Variants in POU2AF1 observed in about 807,000 individuals in gnomAD.
POU2AF1 encodes POU domain class 2-associating factor 1.
POU2AF1 carries 12 observed loss-of-function variants against 26.3 expected under a neutral mutation model. That is an observed-to-expected ratio of 0.46 (90% CI 0.29 to 0.74). The LOEUF (loss-of-function observed/expected upper bound fraction) is 0.74, where lower values mean the gene tolerates loss of function less well. POU2AF1 is among the 30% of genes least tolerant of loss of function. The pLI is 0.09. For missense variants in POU2AF1, 297 were observed against 334.5 expected (o/e 0.89, Z 0.87); for synonymous variants, 175 against 148.0 (o/e 1.18, Z -1.32).
chr11:111,371,807 G>T (rs1565366682), intron 1 of POU2AF1, among the ~76,000 whole-genome samples: 2 of 152,076 alleles, frequency 1.3e-5, no homozygotes, highest in South Asian at 4.2e-4. Flanking sequence ...CACCTCTGGT[G>T]CATGCCTATA....
chr11:111,361,081 C>T (rs1860998180), intron 1 of POU2AF1, among the ~76,000 whole-genome samples: 1 of 152,100 alleles, frequency 6.6e-6, no homozygotes, highest in Non-Finnish European at 1.5e-5. Context: ...TTTTAACTTC[C>T]CCTGTCTGAA....
Position 111,357,460 on chromosome 11 carries a change from G to T in POU2AF1, c.441C>A (p.Leu147=). Reference sequence around the variant, plus strand: ...TGTGACATACCGTGACATTGGTGATGAGTGGCGGAGAGGCATAGGTCAACA... The same window carrying T: ...TGTGACATACCGTGACATTGGTGATTAGTGGCGGAGAGGCATAGGTCAACA... The part of the protein sequence containing the change: ...SSVLTYASPP[L]ITNVTTRSSA... The change falls in exon 4 of 5, where the codon CTC becomes CTA. Residue 147 remains leucine, a synonymous_variant. Coordinates refer to ENST00000393067, the MANE Select transcript of POU2AF1 (RefSeq NM_006235.3). 3 of 1,614,194 alleles carry T rather than the reference G, an allele frequency of 1.9e-6. No homozygotes were observed. Among genetic ancestry groups the T allele is most frequent in the Non-Finnish European group, 2.5e-6 (3 of 1,180,038 alleles).
chr11:111,372,029 TACACAC>T (rs374971894), intron 1 of POU2AF1, among the ~76,000 whole-genome samples: 3,496 of 121,024 alleles, frequency 0.029, 127 homozygotes, highest in African/African-American at 0.074. Flanking sequence ...CACACACAAA[TACACAC>T]ACACACACAC....
chr11:111,354,367 T>C lies in POU2AF1; in HGVS notation c.665A>G (p.Asp222Gly). 3 of 1,614,126 alleles carry C rather than the reference T, an allele frequency of 1.9e-6. No homozygotes were observed. The highest frequency in any genetic ancestry group is 1.1e-5 in the South Asian group (1 of 91,064). The change falls in exon 5 of 5, where the codon GAC (aspartate) becomes GGC (glycine). Residue 222 changes from aspartate to glycine, a missense_variant. By Grantham distance (94) the Asp-to-Gly change is moderately conservative (BLOSUM62 -1). Coordinates refer to ENST00000393067, the MANE Select transcript of POU2AF1 (RefSeq NM_006235.3). The part of the protein sequence containing the change: ...IPEPVLQDME[D>G]PRRAASSLTI... ...CAACGAGCTGGCGGCTCTTCTGGGG[T>C]CTTCCATGTCCTGAAGGACTGGCTC... is the stretch of plus-strand genomic sequence containing the variant.
rs899012332 is a variant in POU2AF1 at position 111,377,801 on chromosome 11, C to G, written c.16+1361G>C. 4 of 184,794 alleles carry G rather than the reference C, an allele frequency of 2.2e-5. No individual in the cohort carries two copies. The East Asian group carries it at 2.6e-4, about 12-fold the overall frequency. The allele number at this position is 184,794 out of a possible 1,614,324, so 11.4% of individuals were successfully genotyped here. ...GCTCTCATCCACACAGCACTCACAA[C>G]AGGGTCAGCTGCCATTGTCCCAGAA... On this transcript the variant is annotated intron_variant, in intron 1 of 4. Coordinates refer to ENST00000393067, the MANE Select transcript of POU2AF1 (RefSeq NM_006235.3).
chr11:111,368,737 T>C (rs1276754070), intron 1 of POU2AF1, among the ~76,000 whole-genome samples: 1 of 152,250 alleles, frequency 6.6e-6, no homozygotes, highest in Non-Finnish European at 1.5e-5. Flanking sequence ...GCTTATCACC[T>C]GTGTGACTCT....
intron 1 of POU2AF1, among the ~76,000 whole-genome samples, chr11:111,374,534 T>A (rs1218932036): frequency 6.6e-6 from 1 of 152,114 alleles, no homozygotes; most frequent in Non-Finnish European, 1.5e-5. Context: ...CCATCTCCAA[T>A]GAAAATGCAA....
chr11:111,357,495 G>A lies in POU2AF1; in HGVS notation c.406C>T (p.Pro136Ser), dbSNP rs1860870324. 2 of 1,613,926 alleles carry A rather than the reference G, an allele frequency of 1.2e-6. No individual in the cohort carries two copies. Among genetic ancestry groups the A allele is most frequent in the South Asian group, 1.1e-5 (1 of 91,064 alleles). ...PVCPSYTVVGPSSVLTYASPP... is the reference protein window; with the variant it reads ...PVCPSYTVVGSSSVLTYASPP... ...GAGGCATAGGTCAACACTGAGGAGG[G>A]CCCCACCACCGTGTAGCTGGGGCAC... The change falls in exon 4 of 5, where the codon CCC (proline) becomes TCC (serine). Residue 136 changes from proline to serine, a missense_variant. Pro to Ser is a moderately conservative substitution (Grantham distance 74, BLOSUM62 -1). Transcript: ENST00000393067.
intron 4 of POU2AF1, among the ~76,000 whole-genome samples, chr11:111,355,092 C>A (rs1474350060): frequency 1.3e-5 from 2 of 152,198 alleles, no homozygotes; most frequent in African/African-American, 4.8e-5. Flanking sequence ...CCCCTTGGGC[C>A]AACACAGCTC....
At chr11:111,354,769 A>G (rs942861353) in intron 4 of POU2AF1, among the ~76,000 whole-genome samples, 194 bp from the exon 5 acceptor site, 2 of 152,092 alleles carry the variant, frequency 1.3e-5, no homozygotes, top group African/African-American at 2.4e-5. Context: ...CGCAGCCCCA[A>G]TCCTGACCCT....
rs753052649 is a variant in POU2AF1 at position 111,357,880 on chromosome 11, G to A, written c.148-43C>T. Reference sequence around the variant, plus strand: ...AGACCAGGGTCAATGTTTAGCCCTCGTCAACCGGCCCTGTGCAGAGAACTT... The same window carrying A: ...AGACCAGGGTCAATGTTTAGCCCTCATCAACCGGCCCTGTGCAGAGAACTT... On this transcript the variant is annotated intron_variant, in intron 2 of 4. Transcript: ENST00000393067. 6 of 1,555,626 alleles carry A rather than the reference G, an allele frequency of 3.9e-6. No individual in the cohort carries two copies. The African/African-American group carries it at 4.1e-5, about 11-fold the overall frequency.
At chr11:111,360,279 G>A (rs753342174) in intron 1 of POU2AF1, among the ~76,000 whole-genome samples, 5 of 152,178 alleles carry the variant, frequency 3.3e-5, no homozygotes, top group Non-Finnish European at 7.4e-5. Flanking sequence ...GGGCCCCAGG[G>A]ACCTGGGCTC....
At chr11:111,357,919 CAG>C (rs45480396) in intron 2 of POU2AF1, 82 bp from the exon 3 acceptor site, 96,043 of 1,384,420 alleles carry the variant, frequency 0.069, 4,786 homozygotes, top group African/African-American at 0.25. Context: ...CAGAGGGCCT[CAG>C]GGCAGGAGAA....
intron 1 of POU2AF1, among the ~76,000 whole-genome samples, chr11:111,368,735 C>T (rs1056953275): frequency 4.4e-4 from 67 of 152,212 alleles, no homozygotes; most frequent in Non-Finnish European, 1.0e-4. Flanking sequence ...TTGCTTATCA[C>T]CTGTGTGACT....
chr11:111,359,959 C>T (rs755581871), intron 1 of POU2AF1: 1 of 519,012 alleles, frequency 1.9e-6, no homozygotes, highest in Non-Finnish European at 3.8e-6. Context: ...GGGCATGGGA[C>T]AATTACCCAA....
chr11:111,378,040 G>A (rs1861342964), intron 1 of POU2AF1, among the ~76,000 whole-genome samples: 1 of 152,136 alleles, frequency 6.6e-6, no homozygotes, highest in African/African-American at 2.4e-5. Flanking sequence ...TGTGTTACTG[G>A]TTAATCAGCT....
chr11:111,357,563 G>A lies in POU2AF1; in HGVS notation c.338C>T (p.Ala113Val). 6.2e-7 allele frequency: 1 copy of A among 1,614,124 alleles called. No individual in the cohort carries two copies. The highest frequency in any genetic ancestry group is 8.5e-7 in the Non-Finnish European group (1 of 1,179,988). The change falls in exon 4 of 5, where the codon GCT (alanine) becomes GTT (valine). Residue 113 changes from alanine (A) to valine (V), a missense_variant. Ala to Val is a moderately conservative substitution (Grantham distance 64, BLOSUM62 0). Transcript: ENST00000393067. ...GTCAGCTGAGTAGGGGCAGCTGACA[G>A]CTTCATGGGGCACATACTCGGTGTA... is the stretch of plus-strand genomic sequence containing the variant. ...TPYTEYVPHE[A>V]VSCPYSADMY...
chr11:111,358,807 G>C lies in POU2AF1; in HGVS notation c.128C>G (p.Ala43Gly). The C allele has an allele frequency of 6.2e-7, 1 of 1,601,906 alleles. No homozygotes were observed. Among genetic ancestry groups the C allele is most frequent in the African/African-American group, 1.3e-5 (1 of 74,856 alleles). Residue 43 changes from alanine (A) to glycine (G), a missense_variant, in exon 2 of 5, where the codon GCA (alanine) becomes GGA (glycine). Physicochemically the swap from Ala to Gly is moderately conservative, Grantham distance 60. Coordinates refer to ENST00000393067, the MANE Select transcript of POU2AF1 (RefSeq NM_006235.3). Reference sequence around the variant, plus strand: ...TCTCACCGCCGTAGGTGCAGGTGCTGCCCCACTGCTGGCGTGGCCTCGCTT... The same window carrying C: ...TCTCACCGCCGTAGGTGCAGGTGCTCCCCCACTGCTGGCGTGGCCTCGCTT... ...RRKRGHASSG[A>G]APAPTAVVLP...
Position 111,353,506 on chromosome 11 carries a change from A to G in POU2AF1, c.*755T>C. 4.3e-6 allele frequency: 1 copy of G among 232,544 alleles called. No individual in the cohort carries two copies. Among genetic ancestry groups the G allele is most frequent in the East Asian group, 6.1e-5 (1 of 16,522 alleles). The allele number at this position is 232,544 out of a possible 1,614,324, so 14.4% of individuals were successfully genotyped here. On this transcript the variant is annotated 3_prime_UTR_variant, in exon 5 of 5. Transcript: ENST00000393067. ...CCCACCCCTTACTACTCTGAGCCCC[A>G]GGCCTTGAGATTTTGCTGCCTGGAC... is the stretch of plus-strand genomic sequence containing the variant.
Sources: allele counts gnomAD v4.1 joint callset (sites outside exome capture counted in the v4.1 genomes callset), GRCh38; gene constraint gnomAD v4.1.1; transcripts MANE v1.5; gene names NCBI Gene and HGNC (gene_info 2026-07-23, HGNC 2026-07-21).